SCFD1: variants seen among roughly 807,000 people sequenced by gnomAD.
The protein encoded by SCFD1 is sec1 family domain containing 1, also known as sec1 family domain-containing protein 1.
A neutral mutation model predicts 103.2 loss-of-function variants in SCFD1; 37 were observed. The observed-to-expected ratio is 0.36, with a 90% CI of 0.28 to 0.47. The LOEUF (loss-of-function observed/expected upper bound fraction) is 0.47, where lower values mean the gene tolerates loss of function less well. Among genes scored for constraint, SCFD1 ranks in the 20% least tolerant of loss-of-function variants. The pLI, the probability that SCFD1 is intolerant of heterozygous loss-of-function variation, is 1.00. For synonymous variants in SCFD1, 264 were observed against 245.0 expected, an observed-to-expected ratio of 1.08 and a Z score of -0.73; for missense variants, 639 against 761.2, an observed-to-expected ratio of 0.84 and a Z score of 1.89.
rs190194884 is a variant in SCFD1 at position 30,663,835 on chromosome 14, C to T, written c.856-6421C>T. Reference sequence around the variant, plus strand: ...CTTTGGACAATTAACTTCTTTATGCCTCAGTTTTTTCATCTTGAATGGGAA... The same window carrying T: ...CTTTGGACAATTAACTTCTTTATGCTTCAGTTTTTTCATCTTGAATGGGAA... On this transcript the variant is annotated intron_variant, in intron 10 of 24. Coordinates refer to ENST00000458591, the MANE Select transcript of SCFD1 (RefSeq NM_016106.4). Among the ~76,000 whole-genome samples the T allele has an allele frequency of 9.2e-5, 14 of 152,254 alleles. No homozygotes were observed. In the East Asian group the frequency reaches 2.5e-3, roughly 27 times the overall value.
intron 14 of SCFD1, among the ~76,000 whole-genome samples, chr14:30,684,574 AT>A (rs914493709): frequency 2.3e-4 from 34 of 150,896 alleles, no homozygotes; most frequent in Non-Finnish European, 3.7e-4. Context: ...AAGCACTAGA[AT>A]TTTTTTTTAA....
At chr14:30,654,316 G>A (rs1167256280) in intron 10 of SCFD1, among the ~76,000 whole-genome samples, 2 of 152,184 alleles carry the variant, frequency 1.3e-5, no homozygotes, top group African/African-American at 4.8e-5. Context: ...CCTAGCTCAG[G>A]ACTCTAGGGA....
chr14:30,652,017 G>T (rs1886438878), intron 9 of SCFD1, among the ~76,000 whole-genome samples: 2 of 152,220 alleles, frequency 1.3e-5, no homozygotes, highest in Non-Finnish European at 1.5e-5. Context: ...AGCAGTTCTA[G>T]GGTTAAGAAA....
At chr14:30,680,618 G>T (rs1889393815) in intron 14 of SCFD1, among the ~76,000 whole-genome samples, 1 of 152,116 alleles carries the variant, frequency 6.6e-6, no homozygotes, top group South Asian at 2.1e-4. Context: ...ATAGGATTAG[G>T]AATAATTTAA....
chr14:30,732,853 A>T (rs1199182866), intron 23 of SCFD1, among the ~76,000 whole-genome samples: 1 of 152,184 alleles, frequency 6.6e-6, no homozygotes, highest in African/African-American at 2.4e-5. Context: ...TTTTATCAAA[A>T]CATTTGATAA....
At chr14:30,663,531 T>C (rs545179568) in intron 10 of SCFD1, among the ~76,000 whole-genome samples, 1 of 152,296 alleles carries the variant, frequency 6.6e-6, no homozygotes, top group African/African-American at 2.4e-5. Context: ...TCTTGCCCTA[T>C]GATAATATGA....
intron 23 of SCFD1, among the ~76,000 whole-genome samples, chr14:30,733,396 G>A (rs1893620213): frequency 6.6e-6 from 1 of 152,156 alleles, no homozygotes; most frequent in African/African-American, 2.4e-5. Flanking sequence ...GGAATGTTTG[G>A]TAAACTACAG....
intron 17 of SCFD1, among the ~76,000 whole-genome samples, chr14:30,703,931 AT>A (rs1175180900): frequency 0.014 from 797 of 55,596 alleles, 61 homozygotes; most frequent in African/African-American, 0.1. Flanking sequence ...ATATATATAT[AT>A]ATATATATAT....
chr14:30,630,587 A>G, intron 3 of SCFD1, 22 bp downstream of exon 3: 1 of 1,303,074 alleles, frequency 7.7e-7, no homozygotes, highest in Non-Finnish European at 1.1e-6. Flanking sequence ...CATATTTCTA[A>G]TAGTGGTATT....
chr14:30,622,299 G>A (rs753599237), upstream of SCFD1: 39 of 1,593,088 alleles, frequency 2.4e-5, no homozygotes, highest in Non-Finnish European at 3.1e-5. Flanking sequence ...TCATCCCCCC[G>A]CTCCGCTCCC....
At chr14:30,634,918 C>G (rs914482753) in intron 4 of SCFD1, 1 of 455,982 alleles carries the variant, frequency 2.2e-6, no homozygotes. Context: ...TTATTTCTCA[C>G]TAGGTAGAAT....
At chr14:30,733,299 C>T (rs570682168) in intron 23 of SCFD1, among the ~76,000 whole-genome samples, 1 of 152,218 alleles carries the variant, frequency 6.6e-6, no homozygotes, top group Admixed American at 6.5e-5. Flanking sequence ...TGAGCCACTG[C>T]GCCCAGCCCA....
At chr14:30,655,804 A>G (rs1886844686) in intron 10 of SCFD1, among the ~76,000 whole-genome samples, 1 of 152,134 alleles carries the variant, frequency 6.6e-6, no homozygotes, top group Non-Finnish European at 1.5e-5. Context: ...TCCCCAGGGA[A>G]GATCAGATGT....
At chr14:30,628,356 T>C in intron 2 of SCFD1, 77 bp downstream of exon 2, 1 of 892,278 alleles carries the variant, frequency 1.1e-6, no homozygotes, top group South Asian at 1.5e-5. Context: ...GAATTTATTG[T>C]AATATGGAAG....
At chr14:30,714,552 T>G (rs1892143161) in intron 19 of SCFD1, among the ~76,000 whole-genome samples, 1 of 152,218 alleles carries the variant, frequency 6.6e-6, no homozygotes, top group Non-Finnish European at 1.5e-5. Context: ...GGTTTTCACT[T>G]TACCAGTCTA....
At chr14:30,663,507 A>C (rs1362348829) in intron 10 of SCFD1, among the ~76,000 whole-genome samples, 1 of 152,200 alleles carries the variant, frequency 6.6e-6, no homozygotes, top group African/African-American at 2.4e-5. Context: ...TGAGAGGATT[A>C]AGTAAAGTCA....
chr14:30,731,216 G>A (rs1893438136), intron 23 of SCFD1, among the ~76,000 whole-genome samples: 1 of 152,148 alleles, frequency 6.6e-6, no homozygotes, highest in Non-Finnish European at 1.5e-5. Flanking sequence ...CTATATCTCT[G>A]TTTTGGTACC....
intron 3 of SCFD1, 136 bp downstream of exon 3, chr14:30,630,701 G>A: frequency 1.0e-5 from 6 of 576,782 alleles, no homozygotes; most frequent in Admixed American, 3.3e-5. Context: ...CTTATTTCTG[G>A]GATTTAAAAA....
chr14:30,728,662 T>C (rs1447072793), intron 23 of SCFD1, among the ~76,000 whole-genome samples: 1 of 152,194 alleles, frequency 6.6e-6, no homozygotes, highest in Non-Finnish European at 1.5e-5. Context: ...CCAAAGCAGC[T>C]GCACCATTTT....
Sources: allele counts gnomAD v4.1 joint callset (sites outside exome capture counted in the v4.1 genomes callset), GRCh38; gene constraint gnomAD v4.1.1; transcripts MANE v1.5; gene names NCBI Gene and HGNC (gene_info 2026-07-23, HGNC 2026-07-21).